MYPN: variants seen among roughly 807,000 people sequenced by gnomAD.
MYPN encodes the protein myopalladin.
In MYPN, 63 loss-of-function variants were observed where a neutral mutation model predicts 129.4. The observed-to-expected ratio is 0.49, with a 90% CI of 0.40 to 0.60. The LOEUF (loss-of-function observed/expected upper bound fraction) is 0.60. Among genes scored for constraint, MYPN ranks in the 20% least tolerant of loss-of-function variants. The pLI, the probability that MYPN is intolerant of heterozygous loss-of-function variation, is 0.00. For missense variants in MYPN, 1,596 were observed against 1,635.4 expected (o/e 0.98, Z 0.42); for synonymous variants, 629 against 600.9 (o/e 1.05, Z -0.68).
At chr10:68,099,233 A>G (rs2041971198) in intron 1 of MYPN, among the ~76,000 whole-genome samples, 1 of 152,158 alleles carries the variant, frequency 6.6e-6, no homozygotes, top group Non-Finnish European at 1.5e-5. Context: ...TGTCAACTTG[A>G]AAATCTGAGT....
chr10:68,193,642 T>G (rs2043552507), intron 13 of MYPN, among the ~76,000 whole-genome samples: 1 of 152,160 alleles, frequency 6.6e-6, no homozygotes, highest in Non-Finnish European at 1.5e-5. Context: ...CTGCTCTACT[T>G]TCATAAACAT....
At chr10:68,125,492 C>A (rs1448455840) in intron 2 of MYPN, among the ~76,000 whole-genome samples, 1 of 152,182 alleles carries the variant, frequency 6.6e-6, no homozygotes, top group Non-Finnish European at 1.5e-5. Flanking sequence ...TATATAACTC[C>A]AATCAGAAAG....
Position 68,178,404 on chromosome 10 carries a change from T to A in MYPN, c.2703+2943T>A, listed in dbSNP as rs2043261346. On this transcript the variant is annotated intron_variant, in intron 12 of 19. Transcript: ENST00000358913. Reference sequence around the variant, plus strand: ...AAATGGTTTAGGTTAGAATGGTGAATCTGAAAAGTCAAAGGAATCCAGGAT... The same window carrying A: ...AAATGGTTTAGGTTAGAATGGTGAAACTGAAAAGTCAAAGGAATCCAGGAT... 2.0e-5 allele frequency among the ~76,000 whole-genome samples: 3 copies of A among 152,190 alleles called. No individual in the cohort carries two copies. The South Asian group carries it at 6.2e-4, about 32-fold the overall frequency.
intron 10 of MYPN, among the ~76,000 whole-genome samples, chr10:68,167,888 G>A (rs1405768074): frequency 1.3e-5 from 2 of 152,216 alleles, no homozygotes; most frequent in East Asian, 1.9e-4. Context: ...GATATAGGCA[G>A]AAATGGGTAA....
At chr10:68,173,371 C>T (rs2043171246) in intron 10 of MYPN, among the ~76,000 whole-genome samples, 1 of 152,184 alleles carries the variant, frequency 6.6e-6, no homozygotes, top group South Asian at 2.1e-4. Context: ...GTCATCAGAA[C>T]TTTGAGCACT....
rs74855234 is a variant in MYPN, at chr10:68,195,335, A to G, written c.3076-115A>G. The G allele has an allele frequency of 1.1e-4, 88 of 835,906 alleles. No homozygotes were observed. The African/African-American group carries it at 1.4e-3, about 13-fold the overall frequency. The allele number at this position is 835,906 out of a possible 1,614,324, so 51.8% of individuals were successfully genotyped here. On this transcript the variant is annotated intron_variant, in intron 14 of 19. Coordinates refer to ENST00000358913, the MANE Select transcript of MYPN (RefSeq NM_032578.4). ...TTATTGTTTTTATTTCTCTCCCCCA[A>G]AGAAAAACTCATAATAGCCAAAATT...
chr10:68,181,700 C>T (rs549739324), intron 12 of MYPN, among the ~76,000 whole-genome samples: 14 of 151,600 alleles, frequency 9.2e-5, no homozygotes, highest in African/African-American at 3.2e-4. Flanking sequence ...AACCACAGCA[C>T]ACCCTCTGCC....
chr10:68,100,086 C>T (rs1589512064), intron 1 of MYPN, among the ~76,000 whole-genome samples: 1 of 152,154 alleles, frequency 6.6e-6, no homozygotes, highest in African/African-American at 2.4e-5. Context: ...AAGTATGCTT[C>T]CTAAGTCTTT....
chr10:68,110,586 A>G (rs2042068187), intron 1 of MYPN, among the ~76,000 whole-genome samples: 1 of 152,214 alleles, frequency 6.6e-6, no homozygotes, highest in Non-Finnish European at 1.5e-5. Flanking sequence ...TCAAAAAAGT[A>G]TGATTCAATT....
intron 12 of MYPN, among the ~76,000 whole-genome samples, chr10:68,176,805 G>C (rs1299611283): frequency 2.0e-5 from 3 of 152,184 alleles, no homozygotes; most frequent in Non-Finnish European, 4.4e-5. Context: ...AGTGGAACTA[G>C]AACTAGAGCT....
At chr10:68,193,797 GCA>G (rs368376657) in intron 13 of MYPN, among the ~76,000 whole-genome samples, 7,940 of 127,506 alleles carry the variant, frequency 0.062, 320 homozygotes, top group African/African-American at 0.12. Flanking sequence ...ATGTGTATGT[GCA>G]CACACACACA....
At chr10:68,176,525 A>G (rs1188271637) in intron 12 of MYPN, among the ~76,000 whole-genome samples, 1 of 152,182 alleles carries the variant, frequency 6.6e-6, no homozygotes, top group Non-Finnish European at 1.5e-5. Context: ...TCTGTCTCTT[A>G]CTTCCAGTGG....
intron 7 of MYPN, 150 bp from the exon 8 acceptor site, chr10:68,161,579 T>G: frequency 6.2e-6 from 4 of 641,326 alleles, no homozygotes; most frequent in Non-Finnish European, 8.2e-6. Flanking sequence ...CTGTCCCTGT[T>G]GAGATCATCT....
chr10:68,203,720 C>CACACAG (rs1554851560), intron 18 of MYPN, among the ~76,000 whole-genome samples: 1 of 115,760 alleles, frequency 8.6e-6, no homozygotes, highest in Non-Finnish European at 2.0e-5. Context: ...CATACACACA[C>CACACAG]AGAGAGAGAG....
rs554872827 is a variant in MYPN, at chr10:68,122,926, T to TA, written c.902+590dup. Among the ~76,000 whole-genome samples the TA allele has an allele frequency of 1.7e-3, 257 of 151,994 alleles. 3 individuals are homozygous for TA. Among genetic ancestry groups the TA allele is most frequent in the African/African-American group, 5.9e-3 (246 of 41,472 alleles). On this transcript the variant is annotated intron_variant, in intron 2 of 19. Transcript: ENST00000358913. ...TCAAAAATAAATAAATAAAATAAAATAAAATAAAACATTATCATTCAACAT... is the reference window on the plus strand; with the variant it reads ...TCAAAAATAAATAAATAAAATAAAATAAAAATAAAACATTATCATTCAACAT...
chr10:68,115,669 T>A (rs938460242), intron 1 of MYPN, among the ~76,000 whole-genome samples: 2 of 152,200 alleles, frequency 1.3e-5, no homozygotes, highest in Non-Finnish European at 2.9e-5. Flanking sequence ...TTCAAAACCA[T>A]GCCATCTGCT....
At position 68,165,768 on chromosome 10, in the gene MYPN, C is replaced by A. The variant is rs1052323892; in HGVS notation, c.1550C>A (p.Ala517Glu). The A allele has an allele frequency of 2.5e-6, 4 of 1,614,056 alleles. No homozygotes were observed. The African/African-American group carries it at 4.0e-5, about 16-fold the overall frequency. ...AEDSGCFTCT[A>E]SNKYGTVSSI... ...GATTCTGGGTGCTTCACATGTACTGCAAGCAACAAATACGGCACAGTGTCA... is the reference window on the plus strand; with the variant it reads ...GATTCTGGGTGCTTCACATGTACTGAAAGCAACAAATACGGCACAGTGTCA... Residue 517 changes from alanine to glutamate, a missense_variant, in exon 9 of 20, where the codon GCA becomes GAA. By Grantham distance (107) the Ala-to-Glu change is moderately radical. Coordinates refer to ENST00000358913, the MANE Select transcript of MYPN (RefSeq NM_032578.4).
intron 10 of MYPN, among the ~76,000 whole-genome samples, chr10:68,171,093 G>T (rs1467184156): frequency 6.7e-6 from 1 of 149,552 alleles, no homozygotes; most frequent in Non-Finnish European, 1.5e-5. Flanking sequence ...AGGTTGCAGT[G>T]AGCTGAGATC....
intron 13 of MYPN, among the ~76,000 whole-genome samples, chr10:68,191,966 C>A (rs544207561): frequency 2.0e-3 from 298 of 152,238 alleles, no homozygotes; most frequent in Non-Finnish European, 9.3e-4. Context: ...AATTTGACTT[C>A]TTCCTTTCCA....
Sources: allele counts gnomAD v4.1 joint callset (sites outside exome capture counted in the v4.1 genomes callset), GRCh38; gene constraint gnomAD v4.1.1; transcripts MANE v1.5; gene names NCBI Gene and HGNC (gene_info 2026-07-23, HGNC 2026-07-21).